RYR3: variants seen among roughly 807,000 people sequenced by gnomAD.
RYR3 encodes the protein ryanodine receptor 3, also known as brain ryanodine receptor-calcium release channel.
A neutral mutation model predicts 584.3 loss-of-function variants in RYR3; 207 were observed. The ratio of observed to expected loss-of-function variants is 0.35; its 90% CI spans 0.32 to 0.40. RYR3 has a LOEUF of 0.40. Ranked by LOEUF, RYR3 falls within the 10% of genes least tolerant of loss-of-function variation. RYR3 has a pLI of 1.00. For missense variants in RYR3, 5,616 were observed against 6,089.2 expected (o/e 0.92, Z 2.59); for synonymous variants, 2,416 against 2,248.5 (o/e 1.07, Z -2.11).
intron 32 of RYR3, among the ~76,000 whole-genome samples, chr15:33,659,089 G>T (rs2062992814): frequency 6.6e-6 from 1 of 152,210 alleles, no homozygotes; most frequent in Admixed American, 6.5e-5. Context: ...TCATGACTGT[G>T]GTGGGGGCAG....
At chr15:33,535,207 AG>A (rs1419318905) in intron 5 of RYR3, among the ~76,000 whole-genome samples, 3 of 152,252 alleles carry the variant, frequency 2.0e-5, no homozygotes, top group African/African-American at 7.2e-5. Context: ...AAGCTAGGTC[AG>A]TTCATAATGG....
rs1272900705 is a variant in RYR3 at position 33,566,697 on chromosome 15, G to T, written c.1166G>T (p.Gly389Val). 6.2e-7 allele frequency: 1 copy of T among 1,613,706 alleles called. No homozygotes were observed. Reference sequence around the variant, plus strand: ...GGGTAGGTCATACTCCATCAGGAAGGCCACATGGATGATGGATTAACACTG... The same window carrying T: ...GGGTAGGTCATACTCCATCAGGAAGTCCACATGGATGATGGATTAACACTG... ...LKRKVILHQE[G>V]HMDDGLTLQR... The change falls in exon 12 of 104, where the codon GGC becomes GTC. Residue 389 changes from glycine to valine, a missense_variant. This residue lies in a region of RYR3 where 1,284 missense variants were observed against 1,344.6 expected (regional missense o/e 0.95). Coordinates refer to ENST00000634891, the MANE Select transcript of RYR3 (RefSeq NM_001036.6).
chr15:33,537,002 G>A (rs923783933), intron 5 of RYR3, among the ~76,000 whole-genome samples: 6 of 151,972 alleles, frequency 3.9e-5, no homozygotes, highest in Admixed American at 6.6e-5. Flanking sequence ...CCTTCCAATA[G>A]ATTTTCATCT....
At chr15:33,700,305 G>C (rs2066207175) in intron 41 of RYR3, among the ~76,000 whole-genome samples, 1 of 152,296 alleles carries the variant, frequency 6.6e-6, no homozygotes, top group Non-Finnish European at 1.5e-5. Flanking sequence ...AGGCAGACTG[G>C]CCAAGAGCAA....
chr15:33,362,120 C>T (rs1197286118), intron 1 of RYR3, among the ~76,000 whole-genome samples: 1 of 152,196 alleles, frequency 6.6e-6, no homozygotes. Flanking sequence ...AATAACACAG[C>T]ACCCTTGCCC....
At chr15:33,408,038 T>TA (rs1199294231) in intron 1 of RYR3, among the ~76,000 whole-genome samples, 1 of 151,984 alleles carries the variant, frequency 6.6e-6, no homozygotes, top group Non-Finnish European at 1.5e-5. Context: ...TTTTCATTTT[T>TA]AGATTCTGGG....
At chr15:33,813,089 C>A in intron 73 of RYR3, 95 bp downstream of exon 73, 1 of 1,483,662 alleles carries the variant, frequency 6.7e-7, no homozygotes, top group Non-Finnish European at 9.2e-7. Context: ...CAAGTGCCCT[C>A]ATAAGACTGA....
chr15:33,689,647 T>C (rs2065275822), intron 38 of RYR3, among the ~76,000 whole-genome samples: 1 of 152,196 alleles, frequency 6.6e-6, no homozygotes, highest in Non-Finnish European at 1.5e-5. Flanking sequence ...AGGCTTATTC[T>C]AGAAATATAA....
chr15:33,704,686 A>G (rs1036704369), intron 42 of RYR3, among the ~76,000 whole-genome samples: 6 of 152,242 alleles, frequency 3.9e-5, no homozygotes, highest in African/African-American at 1.2e-4. Context: ...GGACAAGGCA[A>G]TGCCACAAGG....
chr15:33,838,547 G>T lies in RYR3; in HGVS notation c.12567G>T (p.Trp4189Cys). ...ELVKVLFSFF[W>C]MLFVGLFQLL... ...TGAAGGTGCTCTTCTCCTTTTTCTG[G>T]ATGCTGTTCGTGGGGCTATTCCAGT... The change falls in exon 89 of 104, where the codon TGG (tryptophan) becomes TGT (cysteine). Residue 4189 changes from tryptophan (W) to cysteine (C), a missense_variant. By Grantham distance (215) the Trp-to-Cys change is radical. This residue lies in a region of RYR3 where 918 missense variants were observed against 887.4 expected (regional missense o/e 1.03). Coordinates refer to ENST00000634891, the MANE Select transcript of RYR3 (RefSeq NM_001036.6). 1.9e-6 allele frequency: 3 copies of T among 1,613,920 alleles called. No homozygotes were observed. Among genetic ancestry groups the T allele is most frequent in the Non-Finnish European group, 2.5e-6 (3 of 1,179,874 alleles).
intron 2 of RYR3, among the ~76,000 whole-genome samples, chr15:33,479,621 G>A (rs1033637180): frequency 6.6e-6 from 1 of 152,004 alleles, no homozygotes; most frequent in African/African-American, 2.4e-5. Context: ...GAAGAAAGGT[G>A]TAAGAATTTA....
At chr15:33,337,175 A>G (rs72725445) in intron 1 of RYR3, among the ~76,000 whole-genome samples, 2,896 of 151,886 alleles carry the variant, frequency 0.019, 38 homozygotes, top group Non-Finnish European at 0.029. Context: ...TGGAGCAGAG[A>G]TTTAAAAGAT....
Position 33,484,107 on chromosome 15 carries a change from A to G in RYR3, c.171+10569A>G, listed in dbSNP as rs1311068905. On this transcript the variant is annotated intron_variant, in intron 2 of 103. Transcript: ENST00000634891. ...TTATTTTGCTATAGGTAGTTCCACC[A>G]TTACCTGAACCAGAACCTCATCAAT... is the stretch of plus-strand genomic sequence containing the variant. 2.0e-5 allele frequency among the ~76,000 whole-genome samples: 3 copies of G among 152,108 alleles called. No homozygotes were observed. In the South Asian group the frequency reaches 6.2e-4, roughly 32 times the overall value.
intron 43 of RYR3, among the ~76,000 whole-genome samples, chr15:33,713,920 C>T (rs2067301803): frequency 1.3e-5 from 2 of 152,140 alleles, no homozygotes; most frequent in African/African-American, 4.8e-5. Context: ...AAAGGCCCTA[C>T]TGCCTAATAT....
chr15:33,579,272 A>G (rs554548586), intron 12 of RYR3, among the ~76,000 whole-genome samples: 135 of 152,328 alleles, frequency 8.9e-4, no homozygotes, highest in Admixed American at 1.5e-3. Flanking sequence ...TAAAGGAACC[A>G]TCAACAAATG....
intron 10 of RYR3, among the ~76,000 whole-genome samples, chr15:33,561,107 T>G (rs2057376100): frequency 6.6e-6 from 1 of 152,250 alleles, no homozygotes; most frequent in Admixed American, 6.5e-5. Flanking sequence ...ATTACTCAGC[T>G]CTATATATTC....
At chr15:33,482,405 TTTG>T (rs759791360) in intron 2 of RYR3, among the ~76,000 whole-genome samples, 8 of 152,064 alleles carry the variant, frequency 5.3e-5, no homozygotes, top group East Asian at 1.9e-4. Context: ...CAATTTGGTT[TTTG>T]TTGTTGTTGT....
At chr15:33,425,614 C>T (rs1296267735) in intron 1 of RYR3, among the ~76,000 whole-genome samples, 4 of 150,212 alleles carry the variant, frequency 2.7e-5, no homozygotes, top group African/African-American at 4.9e-5. Flanking sequence ...TGGTCTGAAG[C>T]TTCTACTAGG....
At chr15:33,677,932 T>C (rs2064296896) in intron 38 of RYR3, among the ~76,000 whole-genome samples, 1 of 152,302 alleles carries the variant, frequency 6.6e-6, no homozygotes, top group African/African-American at 2.4e-5. Context: ...GGAGGCTCCA[T>C]ATCCACTACG....
Sources: gnomAD v4.1 joint callset for allele counts (sites outside exome capture counted in the v4.1 genomes callset) on GRCh38, gnomAD v4.1.1 for gene constraint, gnomAD v4.1.1 regional missense constraint, MANE v1.5 for transcripts, NCBI Gene and HGNC (gene_info 2026-07-23, HGNC 2026-07-21) for gene names.